The following SGCZ variants were observed in gnomAD, a reference collection of about 807,000 sequenced individuals.
The protein encoded by SGCZ is zeta-sarcoglycan.
SGCZ carries 40 observed loss-of-function variants against 41.3 expected under a neutral mutation model. That is an observed-to-expected ratio of 0.97 (90% CI 0.75 to 1.26). The LOEUF is 1.26. Ranked by LOEUF, SGCZ falls within the 50% of genes most tolerant of loss-of-function variation. SGCZ has a pLI of 0.00. For missense variants in SGCZ, 552 were observed against 369.8 expected (o/e 1.49, Z -4.04); for synonymous variants, 206 against 137.5 (o/e 1.50, Z -3.49).
intron 1 of SGCZ, among the ~76,000 whole-genome samples, chr8:15,178,446 C>T (rs1188584680): frequency 6.6e-6 from 1 of 152,074 alleles, no homozygotes; most frequent in Admixed American, 6.6e-5. Flanking sequence ...ATTAAGAGGA[C>T]ATATTTTCAA....
intron 3 of SGCZ, among the ~76,000 whole-genome samples, chr8:14,249,083 G>C (rs1799200390): frequency 6.6e-6 from 1 of 152,176 alleles, no homozygotes; most frequent in Non-Finnish European, 1.5e-5. Context: ...AGGTCTGTGA[G>C]AGTGTTTCTC....
chr8:14,639,843 T>C (rs1806964751), intron 1 of SGCZ, among the ~76,000 whole-genome samples: 1 of 151,538 alleles, frequency 6.6e-6, no homozygotes, highest in East Asian at 2.0e-4. Context: ...TTCCAGCCAG[T>C]CCAGGTTGGC....
chr8:14,533,689 G>T (rs1237839849), intron 2 of SGCZ, among the ~76,000 whole-genome samples: 1 of 151,886 alleles, frequency 6.6e-6, no homozygotes, highest in African/African-American at 2.4e-5. Flanking sequence ...TCAACAGAAG[G>T]TTTTTCTACT....
intron 1 of SGCZ, among the ~76,000 whole-genome samples, chr8:14,700,023 C>T (rs919099288): frequency 6.6e-6 from 1 of 151,912 alleles, no homozygotes; most frequent in African/African-American, 2.4e-5. Context: ...TAAATTTGTT[C>T]AGCCACTGTG....
chr8:14,183,366 C>T (rs1046015373), intron 4 of SGCZ, among the ~76,000 whole-genome samples: 4 of 151,842 alleles, frequency 2.6e-5, no homozygotes, highest in Admixed American at 6.6e-5. Context: ...TTCTTGAGAA[C>T]AGAATAAAAA....
intron 1 of SGCZ, among the ~76,000 whole-genome samples, chr8:15,184,798 C>A (rs1241916403): frequency 6.6e-6 from 1 of 152,122 alleles, no homozygotes; most frequent in Non-Finnish European, 1.5e-5. Flanking sequence ...TTCCTTTTAC[C>A]TGCAGCCTTG....
intron 1 of SGCZ, among the ~76,000 whole-genome samples, chr8:14,927,677 T>G (rs1202248404): frequency 7.2e-5 from 11 of 152,112 alleles, no homozygotes; most frequent in Admixed American, 3.3e-4. Context: ...TGAAATAACT[T>G]TACTATGCAG....
At chr8:15,152,291 GA>G (rs541487334) in intron 1 of SGCZ, among the ~76,000 whole-genome samples, 1 of 152,068 alleles carries the variant, frequency 6.6e-6, no homozygotes, top group East Asian at 1.9e-4. Context: ...CTAAGGGTCA[GA>G]AAAAAATATG....
intron 5 of SGCZ, among the ~76,000 whole-genome samples, chr8:14,133,718 A>C (rs1803111184): frequency 6.6e-6 from 1 of 151,642 alleles, no homozygotes; most frequent in East Asian, 1.9e-4. Context: ...TCTTTTTCTG[A>C]GTTTTGACAA....
chr8:14,836,850 T>G (rs1215970430), intron 1 of SGCZ, among the ~76,000 whole-genome samples: 1 of 152,160 alleles, frequency 6.6e-6, no homozygotes, highest in East Asian at 1.9e-4. Flanking sequence ...ACTTCCTTCT[T>G]AAAAATATCT....
rs565839275 is a variant in SGCZ, at chr8:14,133,061, C to G, written c.548-24826G>C. Among the ~76,000 whole-genome samples the G allele has an allele frequency of 2.0e-4, 31 of 152,230 alleles. No individual in the cohort carries two copies. The South Asian group carries it at 6.4e-3, about 32-fold the overall frequency. The stretch of plus-strand genomic sequence containing the variant: ...AAATGAATAAAAAAACCACGTTTCT[C>G]AGTTATTGCAGATTGGCTCTGTATT... On this transcript the variant is annotated intron_variant, in intron 5 of 7. Coordinates refer to ENST00000382080, the MANE Select transcript of SGCZ (RefSeq NM_139167.4).
chr8:14,685,544 G>T (rs983196230), intron 1 of SGCZ, among the ~76,000 whole-genome samples: 1 of 151,932 alleles, frequency 6.6e-6, no homozygotes, highest in African/African-American at 2.4e-5. Context: ...TACTAATATT[G>T]CTATTCATTG....
intron 1 of SGCZ, among the ~76,000 whole-genome samples, chr8:15,062,063 A>G (rs1388554358): frequency 6.6e-6 from 1 of 152,310 alleles, no homozygotes; most frequent in Admixed American, 6.5e-5. Flanking sequence ...TCTACTCTTC[A>G]ACTTTAGTTG....
intron 4 of SGCZ, among the ~76,000 whole-genome samples, chr8:14,234,116 C>A (rs897116483): frequency 6.6e-6 from 1 of 151,992 alleles, no homozygotes; most frequent in African/African-American, 2.4e-5. Context: ...CATCAATTCA[C>A]AGAAAATATC....
intron 1 of SGCZ, among the ~76,000 whole-genome samples, chr8:15,144,525 A>G (rs1798985595): frequency 1.3e-5 from 2 of 151,460 alleles, no homozygotes; most frequent in African/African-American, 4.9e-5. Context: ...AGTGCAGTGG[A>G]GCCACCTTGG....
At chr8:14,758,919 A>T (rs534437401) in intron 1 of SGCZ, among the ~76,000 whole-genome samples, 1 of 151,936 alleles carries the variant, frequency 6.6e-6, no homozygotes, top group Admixed American at 6.6e-5. Context: ...GAGGCAGGAG[A>T]ATCAGTTGAA....
chr8:14,842,983 C>T (rs149340316), intron 1 of SGCZ, among the ~76,000 whole-genome samples: 6 of 152,296 alleles, frequency 3.9e-5, no homozygotes, highest in African/African-American at 1.2e-4. Flanking sequence ...GAGGCCAAGG[C>T]GAGCGGATCT....
intron 2 of SGCZ, among the ~76,000 whole-genome samples, chr8:14,501,998 G>C (rs569167725): frequency 1.3e-5 from 2 of 151,990 alleles, no homozygotes; most frequent in Admixed American, 1.3e-4. Context: ...GGATTAGTTT[G>C]GGTACAACCT....
chr8:14,699,080 AC>A (rs1233507575), intron 1 of SGCZ, among the ~76,000 whole-genome samples: 1 of 151,800 alleles, frequency 6.6e-6, no homozygotes, highest in Non-Finnish European at 1.5e-5. Flanking sequence ...ATTTATACAA[AC>A]AAAAATAGAG....
Sources: allele counts gnomAD v4.1 joint callset (sites outside exome capture counted in the v4.1 genomes callset), GRCh38; gene constraint gnomAD v4.1.1; transcripts MANE v1.5; gene names NCBI Gene and HGNC (gene_info 2026-07-23, HGNC 2026-07-21).